Variants in SUGCT observed in about 807,000 individuals in gnomAD.
SUGCT encodes the protein succinyl-CoA:glutarate-CoA transferase.
A neutral mutation model predicts 55.0 loss-of-function variants in SUGCT; 41 were observed. The ratio of observed to expected loss-of-function variants is 0.74; its 90% CI spans 0.58 to 0.97. The LOEUF is 0.97. SUGCT is among the 50% of genes least tolerant of loss of function. The pLI, the probability that SUGCT is intolerant of heterozygous loss-of-function variation, is 0.00. For synonymous variants in SUGCT, 187 were observed against 200.4 expected (o/e 0.93, Z 0.56); for missense variants, 568 against 547.8 (o/e 1.04, Z -0.37).
rs773695670 is a variant in SUGCT at position 40,368,146 on chromosome 7, AAGTC to A, written c.816+51294_816+51297del. 2.9e-3 allele frequency among the ~76,000 whole-genome samples: 413 copies of A among 144,068 alleles called. 12 individuals carry two copies. The South Asian group carries it at 0.06, about 21-fold the overall frequency. 94.5% of individuals were successfully genotyped at this position (144,068 alleles called of 152,430 possible). ...CTCTTACTTCCTGCTTTTCCCTCGT[AAGTC>A]AGATCTCACATTATAACATTTTAGT... On this transcript the variant is annotated intron_variant, in intron 9 of 13. Transcript: ENST00000335693.
At chr7:41,017,770 C>A in the SUGCT span, among the ~76,000 whole-genome samples, 269 of 112,972 alleles carry the variant, frequency 2.4e-3, no homozygotes, top group Admixed American at 3.0e-3. Context: ...GAGTCCGTCT[C>A]AAAAAAAAAA....
At chr7:40,697,564 G>C (rs1784989725) in intron 12 of SUGCT, among the ~76,000 whole-genome samples, 1 of 152,194 alleles carries the variant, frequency 6.6e-6, no homozygotes. Flanking sequence ...CTTGAACCCG[G>C]GAGGCGGAGG....
At chr7:40,199,122 T>C (rs1368010937) in intron 6 of SUGCT, among the ~76,000 whole-genome samples, 1 of 152,158 alleles carries the variant, frequency 6.6e-6, no homozygotes, top group Non-Finnish European at 1.5e-5. Flanking sequence ...TTTCCTGATA[T>C]TTCCCAATGG....
chr7:40,359,348 A>T (rs1798038074), intron 9 of SUGCT, among the ~76,000 whole-genome samples: 1 of 152,024 alleles, frequency 6.6e-6, no homozygotes, highest in South Asian at 2.1e-4. Context: ...GGGATTACAG[A>T]CATGTGCCAC....
chr7:40,272,220 T>G, intron 7 of SUGCT, among the ~76,000 whole-genome samples: 1 of 131,516 alleles, frequency 7.6e-6, no homozygotes, highest in Non-Finnish European at 1.6e-5. Flanking sequence ...TTGCCTAGAT[T>G]GGAGTGCAGT....
chr7:40,460,299 T>G (rs1315002090), intron 11 of SUGCT, among the ~76,000 whole-genome samples: 1 of 152,210 alleles, frequency 6.6e-6, no homozygotes, highest in Non-Finnish European at 1.5e-5. Flanking sequence ...GGACTGTGTG[T>G]TGTGGGACTG....
chr7:40,155,485 C>A (rs952330189), intron 1 of SUGCT, among the ~76,000 whole-genome samples: 1 of 151,974 alleles, frequency 6.6e-6, no homozygotes, highest in African/African-American at 2.4e-5. Context: ...AGGTATGGTT[C>A]CCACAAAAAG....
chr7:40,158,766 AAAAT>A (rs1239837911), intron 1 of SUGCT, among the ~76,000 whole-genome samples: 1 of 152,210 alleles, frequency 6.6e-6, no homozygotes, highest in Non-Finnish European at 1.5e-5. Context: ...ATAAATAAGT[AAAAT>A]AAATAAATAA....
intron 12 of SUGCT, among the ~76,000 whole-genome samples, chr7:40,498,224 C>A (rs1390402892): frequency 1.3e-5 from 2 of 152,116 alleles, no homozygotes; most frequent in Non-Finnish European, 2.9e-5. Flanking sequence ...TTGTGTAAAA[C>A]AGATTATTTT....
chr7:40,720,551 C>G (rs1786273178), intron 12 of SUGCT, among the ~76,000 whole-genome samples: 1 of 152,180 alleles, frequency 6.6e-6, no homozygotes, highest in East Asian at 1.9e-4. Flanking sequence ...TATTTGGGGC[C>G]CTTCAGTGGA....
chr7:40,842,923 C>T (rs944991709), intron 13 of SUGCT, among the ~76,000 whole-genome samples: 8 of 152,152 alleles, frequency 5.3e-5, no homozygotes, highest in Admixed American at 2.0e-4. Flanking sequence ...GTGAAAATGC[C>T]TCACCTTGCT....
At chr7:40,460,814 G>C (rs1030579684) in intron 11 of SUGCT, among the ~76,000 whole-genome samples, 2 of 152,136 alleles carry the variant, frequency 1.3e-5, no homozygotes, top group Non-Finnish European at 2.9e-5. Flanking sequence ...AGAAGTAGAA[G>C]TTTCAGCATT....
At chr7:40,827,614 C>G (rs1023209776) in intron 13 of SUGCT, among the ~76,000 whole-genome samples, 1 of 152,118 alleles carries the variant, frequency 6.6e-6, no homozygotes, top group African/African-American at 2.4e-5. Flanking sequence ...TTACTAACCA[C>G]GAGGCTCATT....
chr7:40,486,456 G>A (rs1177423308), intron 11 of SUGCT, among the ~76,000 whole-genome samples: 5 of 151,746 alleles, frequency 3.3e-5, no homozygotes, highest in Non-Finnish European at 4.4e-5. Flanking sequence ...ATTTTTTGTA[G>A]TTCCTATTCA....
At chr7:40,897,236 G>A in the SUGCT span, among the ~76,000 whole-genome samples, 1 of 152,146 alleles carries the variant, frequency 6.6e-6, no homozygotes, top group African/African-American at 2.4e-5. Context: ...AAATGTAAGT[G>A]CTGGAACTGT....
At position 40,667,636 on chromosome 7, in the gene SUGCT, G is replaced by A. The variant is rs1221909063; in HGVS notation, c.1090-81798G>A. Among the ~76,000 whole-genome samples the A allele has an allele frequency of 2.6e-5, 4 of 151,454 alleles. 1 individual carries two copies. The South Asian group carries it at 8.4e-4, about 32-fold the overall frequency. On this transcript the variant is annotated intron_variant, in intron 12 of 13. Transcript: ENST00000335693. ...AATTCAGTTTCAGAACTCGATATTG[G>A]TCTGTTTAGGGTTTCAGTTTCTTCC...
At chr7:40,819,670 A>G (rs967888055) in intron 13 of SUGCT, among the ~76,000 whole-genome samples, 10 of 152,158 alleles carry the variant, frequency 6.6e-5, no homozygotes, top group African/African-American at 2.4e-4. Context: ...CCTTTGTCAG[A>G]TGGGTAGATT....
rs201994916 is a variant in SUGCT at position 40,820,767 on chromosome 7, T to G, written c.1154-39549T>G. 2.0e-5 allele frequency among the ~76,000 whole-genome samples: 3 copies of G among 152,140 alleles called. No individual in the cohort carries two copies. In the East Asian group the frequency reaches 5.8e-4, roughly 29 times the overall value. On this transcript the variant is annotated intron_variant, in intron 13 of 13. Coordinates refer to ENST00000335693, the MANE Select transcript of SUGCT (RefSeq NM_001193313.2). The stretch of plus-strand genomic sequence containing the variant: ...CTGAATACCCTTTATTTCTTTCTCC[T>G]GCCTGACACCCGGCCAGAACTTCCA...
chr7:40,795,072 T>G (rs1278053156), intron 13 of SUGCT, among the ~76,000 whole-genome samples: 4 of 152,140 alleles, frequency 2.6e-5, no homozygotes, highest in African/African-American at 4.8e-5. Flanking sequence ...TAAAATAAGC[T>G]TGGGAAACAC....
Sources: gnomAD v4.1 joint callset for allele counts (sites outside exome capture counted in the v4.1 genomes callset) on GRCh38, gnomAD v4.1.1 for gene constraint, MANE v1.5 for transcripts, NCBI Gene and HGNC (gene_info 2026-07-23, HGNC 2026-07-21) for gene names.